Variants in NHEJ1 observed in about 807,000 individuals in gnomAD.
NHEJ1 encodes the protein non-homologous end-joining factor 1.
In NHEJ1, 22 loss-of-function variants were observed where a neutral mutation model predicts 39.4. That is an observed-to-expected ratio of 0.56 (90% confidence interval 0.40 to 0.80). The LOEUF (loss-of-function observed/expected upper bound fraction) is 0.80, where lower values mean the gene tolerates loss of function less well. Ranked by LOEUF, NHEJ1 falls within the 30% of genes least tolerant of loss-of-function variation. The probability of loss-of-function intolerance (pLI) is 0.00; values close to 1 mark genes in which losing one functional copy is unlikely to be tolerated. For synonymous variants in NHEJ1, 154 were observed against 135.6 expected, an observed-to-expected ratio of 1.14 and a Z score of -0.94; for missense variants, 329 against 357.1, an observed-to-expected ratio of 0.92 and a Z score of 0.63.
chr2:219,132,021 T>C (rs1357010825), intron 5 of NHEJ1, among the ~76,000 whole-genome samples: 1 of 152,248 alleles, frequency 6.6e-6, no homozygotes, highest in Non-Finnish European at 1.5e-5. Flanking sequence ...AGAGTTATTT[T>C]ATCCTTATGG....
At chr2:219,133,699 A>C (rs1257492349) in intron 5 of NHEJ1, among the ~76,000 whole-genome samples, 1 of 152,230 alleles carries the variant, frequency 6.6e-6, no homozygotes, top group Admixed American at 6.5e-5. Flanking sequence ...TCTCTTTTTA[A>C]GTCAGGGAAA....
chr2:219,143,005 A>G (rs1333077621), intron 5 of NHEJ1, among the ~76,000 whole-genome samples: 1 of 152,178 alleles, frequency 6.6e-6, no homozygotes, highest in Non-Finnish European at 1.5e-5. Flanking sequence ...GAGCCTTAGT[A>G]TCCTAGCCAC....
intron 3 of NHEJ1, among the ~76,000 whole-genome samples, chr2:219,150,306 T>C (rs574537143): frequency 6.6e-6 from 1 of 152,322 alleles, no homozygotes; most frequent in East Asian, 1.9e-4. Flanking sequence ...GGAAGGGTTC[T>C]GGCACAGAGG....
intron 5 of NHEJ1, among the ~76,000 whole-genome samples, chr2:219,132,942 G>C (rs1452787293): frequency 6.6e-6 from 1 of 152,108 alleles, no homozygotes; most frequent in Non-Finnish European, 1.5e-5. Context: ...TAACTTTTCA[G>C]TATAATTCCA....
chr2:219,139,825 G>A (rs1041080482), intron 5 of NHEJ1, among the ~76,000 whole-genome samples: 19 of 152,100 alleles, frequency 1.2e-4, no homozygotes, highest in Admixed American at 5.9e-4. Flanking sequence ...GACTACAGGC[G>A]CCTGCCACCA....
In NHEJ1 at chr2:219,142,202, G is replaced by C. The variant is rs561071330; in HGVS notation, c.588+4478C>G. 2.2e-5 allele frequency among the ~76,000 whole-genome samples: 3 copies of C among 136,380 alleles called. No individual in the cohort carries two copies. In the East Asian group the frequency reaches 6.0e-4, roughly 27 times the overall value. 89.5% of individuals were successfully genotyped at this position (136,380 alleles called of 152,430 possible). A position where few individuals can be genotyped will look rare whatever the true frequency, so the allele number is the denominator to read the frequency against. ...GCATTCAGAATGCAGCAGTAAGAAC[G>C]ACTGCAGGGAAGAGAAGAGAAGAGA... On this transcript the variant is annotated intron_variant, in intron 5 of 7. Transcript: ENST00000356853.
At chr2:219,119,874 C>A (rs1949454912) in intron 5 of NHEJ1, among the ~76,000 whole-genome samples, 1 of 152,192 alleles carries the variant, frequency 6.6e-6, no homozygotes, top group African/African-American at 2.4e-5. Flanking sequence ...TCCAGTCCTA[C>A]AGCTCTTTGT....
intron 5 of NHEJ1, among the ~76,000 whole-genome samples, chr2:219,128,952 G>A (rs1949550273): frequency 6.6e-6 from 1 of 152,130 alleles, no homozygotes; most frequent in South Asian, 2.1e-4. Flanking sequence ...TCCCCCATAT[G>A]GTTTGGTCTA....
At chr2:219,152,562 G>C (rs1055273506) in intron 3 of NHEJ1, among the ~76,000 whole-genome samples, 1 of 151,732 alleles carries the variant, frequency 6.6e-6, no homozygotes, top group South Asian at 2.1e-4. Context: ...GGGCTCAAGT[G>C]ATTCTCCCAC....
At chr2:219,116,062 G>A (rs1490190210) in intron 5 of NHEJ1, among the ~76,000 whole-genome samples, 1 of 152,180 alleles carries the variant, frequency 6.6e-6, no homozygotes, top group East Asian at 1.9e-4. Context: ...AGAGGTTGCA[G>A]TAAGCCCAGA....
At chr2:219,132,197 G>A (rs1949585237) in intron 5 of NHEJ1, among the ~76,000 whole-genome samples, 1 of 152,196 alleles carries the variant, frequency 6.6e-6, no homozygotes, top group Non-Finnish European at 1.5e-5. Flanking sequence ...CTAGTTTCAT[G>A]AGCAATGTAT....
intron 5 of NHEJ1, among the ~76,000 whole-genome samples, chr2:219,085,238 T>G (rs935222856): frequency 2.6e-5 from 4 of 152,210 alleles, no homozygotes; most frequent in African/African-American, 9.6e-5. Flanking sequence ...ATCTATATTT[T>G]TAGAAGACAA....
At position 219,076,168 on chromosome 2, in the gene NHEJ1, A is replaced by T; in HGVS notation, c.*213T>A. On this transcript the variant is annotated 3_prime_UTR_variant, in exon 8 of 8. Transcript: ENST00000356853. ...TACAGAACCTCCACCAAAAGAGAGG[A>T]GAGCACGGGATTCTCAGAGACTGGC... 2 of 1,056,768 alleles carry T rather than the reference A, an allele frequency of 1.9e-6. No homozygotes were observed. Among genetic ancestry groups the T allele is most frequent in the Non-Finnish European group, 2.7e-6 (2 of 749,032 alleles). 65.5% of individuals were successfully genotyped at this position (1,056,768 alleles called of 1,614,324 possible).
At chr2:219,100,895 A>C (rs1449742809) in intron 5 of NHEJ1, among the ~76,000 whole-genome samples, 2 of 152,208 alleles carry the variant, frequency 1.3e-5, no homozygotes, top group Non-Finnish European at 1.5e-5. Flanking sequence ...TTTAAATACT[A>C]ATCAATGTAA....
At chr2:219,077,424 A>G in intron 6 of NHEJ1, 60 bp from the exon 7 acceptor site, 1 of 1,261,150 alleles carries the variant, frequency 7.9e-7, no homozygotes, top group Non-Finnish European at 1.2e-6. Flanking sequence ...CCAGGAAGAT[A>G]TTAGCATTCA....
intron 5 of NHEJ1, among the ~76,000 whole-genome samples, chr2:219,123,943 A>C (rs1488422070): frequency 6.6e-6 from 1 of 152,266 alleles, no homozygotes; most frequent in Non-Finnish European, 1.5e-5. Context: ...TATTAGTGCC[A>C]TATAATAAAG....
chr2:219,098,343 C>T (rs920473519), intron 5 of NHEJ1, among the ~76,000 whole-genome samples: 1 of 152,096 alleles, frequency 6.6e-6, no homozygotes, highest in Admixed American at 6.6e-5. Flanking sequence ...AATAATAGTA[C>T]ATTTGAATAC....
chr2:219,118,802 C>T (rs1287965618), intron 5 of NHEJ1, among the ~76,000 whole-genome samples: 1 of 152,130 alleles, frequency 6.6e-6, no homozygotes, highest in African/African-American at 2.4e-5. Flanking sequence ...GCCCGGCGGG[C>T]TTATGAAGGG....
At chr2:219,141,592 A>G (rs1394491023) in intron 5 of NHEJ1, among the ~76,000 whole-genome samples, 1 of 152,220 alleles carries the variant, frequency 6.6e-6, no homozygotes, top group African/African-American at 2.4e-5. Context: ...GATAAGGAAT[A>G]TAAGAGAAAT....
Sources: allele counts gnomAD v4.1 joint callset (sites outside exome capture counted in the v4.1 genomes callset), GRCh38; gene constraint gnomAD v4.1.1; transcripts MANE v1.5; gene names NCBI Gene and HGNC (gene_info 2026-07-23, HGNC 2026-07-21).